Variants in ZNF236 observed in about 807,000 individuals in gnomAD.
ZNF236 encodes the protein regulated by glucose.
In ZNF236, 50 loss-of-function variants were observed where a neutral mutation model predicts 191.2. The ratio of observed to expected loss-of-function variants is 0.26; its 90% CI spans 0.21 to 0.33. ZNF236 has a LOEUF of 0.33. Among genes scored for constraint, ZNF236 ranks in the 10% least tolerant of loss-of-function variants. The pLI, the probability that ZNF236 is intolerant of heterozygous loss-of-function variation, is 1.00. For missense variants in ZNF236, 1,754 were observed against 2,374.5 expected (o/e 0.74, Z 5.43); for synonymous variants, 907 against 928.8 (o/e 0.98, Z 0.43).
intron 20 of ZNF236, among the ~76,000 whole-genome samples, chr18:76,920,528 G>A (rs913036469): frequency 7.0e-6 from 1 of 142,182 alleles, no homozygotes; most frequent in African/African-American, 2.7e-5. Flanking sequence ...TCCAGCCTGG[G>A]CAACAAGAAT....
chr18:76,913,991 A>C (rs1599388754), intron 18 of ZNF236, 93 bp downstream of exon 18: 4 of 1,373,214 alleles, frequency 2.9e-6, no homozygotes, highest in Non-Finnish European at 4.0e-6. Context: ...ACCCACTTAA[A>C]GTGTACAATT....
chr18:76,832,293 C>T (rs1975192713), intron 1 of ZNF236, among the ~76,000 whole-genome samples: 3 of 152,148 alleles, frequency 2.0e-5, no homozygotes, highest in Non-Finnish European at 4.4e-5. Context: ...GTTGGCCAGG[C>T]TGGCCTCCAA....
chr18:76,878,919 T>G (rs1976791770), intron 7 of ZNF236, among the ~76,000 whole-genome samples: 2 of 152,214 alleles, frequency 1.3e-5, no homozygotes, highest in South Asian at 4.1e-4. Context: ...AGGTTTACCT[T>G]TAGTGTTTGT....
In ZNF236 at chr18:76,905,435, T is replaced by C. The variant is rs1311645329; in HGVS notation, c.2297+20T>C. 1 of 1,606,220 alleles carries C rather than the reference T, an allele frequency of 6.2e-7. No individual in the cohort carries two copies. Among genetic ancestry groups the C allele is most frequent in the Non-Finnish European group, 8.5e-7 (1 of 1,174,762 alleles). On this transcript the variant is annotated intron_variant, in intron 13 of 30. Coordinates refer to ENST00000320610, the MANE Select transcript of ZNF236 (RefSeq NM_001306089.2). ...CCACAGGTGGGTGTAATTCTGGTGG[T>C]CACTTTTTATCATCTTTATAATTTC...
At chr18:76,938,376 T>C (rs1248309258) in intron 26 of ZNF236, among the ~76,000 whole-genome samples, 1 of 151,942 alleles carries the variant, frequency 6.6e-6, no homozygotes, top group Non-Finnish European at 1.5e-5. Flanking sequence ...AACGACAGAG[T>C]GAGACCTCTC....
At chr18:76,838,602 A>G (rs1006123668) in intron 1 of ZNF236, among the ~76,000 whole-genome samples, 28 of 152,232 alleles carry the variant, frequency 1.8e-4, no homozygotes, top group Admixed American at 2.6e-4. Context: ...CAGATCTGCT[A>G]TATGCCTGAG....
intron 21 of ZNF236, among the ~76,000 whole-genome samples, chr18:76,923,625 A>G (rs1967599065): frequency 6.6e-6 from 1 of 152,128 alleles, no homozygotes; most frequent in Non-Finnish European, 1.5e-5. Flanking sequence ...TCTCATCTTC[A>G]TCTTGTCTGT....
At chr18:76,876,328 T>G (rs1976714099) in intron 6 of ZNF236, among the ~76,000 whole-genome samples, 1 of 152,244 alleles carries the variant, frequency 6.6e-6, no homozygotes, top group South Asian at 2.1e-4. Flanking sequence ...AATACTTTTA[T>G]CATGGATCAG....
At chr18:76,953,424 C>T (rs1330631145) in intron 27 of ZNF236, among the ~76,000 whole-genome samples, 3 of 152,184 alleles carry the variant, frequency 2.0e-5, no homozygotes, top group Non-Finnish European at 4.4e-5. Context: ...TGTAGCCGAG[C>T]CCTTCCCACA....
intron 1 of ZNF236, chr18:76,834,581 G>A: frequency 4.2e-6 from 2 of 474,736 alleles, no homozygotes; most frequent in Middle Eastern, 5.3e-4. Context: ...ATGCCTGTGT[G>A]CACAGTTGGG....
At chr18:76,897,542 CAG>C (rs754656849) in intron 10 of ZNF236, among the ~76,000 whole-genome samples, 1 of 151,082 alleles carries the variant, frequency 6.6e-6, no homozygotes, top group African/African-American at 2.4e-5. Flanking sequence ...GTGCTGCACA[CAG>C]GGACCAGTGC....
intron 1 of ZNF236, among the ~76,000 whole-genome samples, chr18:76,847,421 A>G (rs755592793): frequency 7.2e-5 from 11 of 152,116 alleles, no homozygotes; most frequent in Non-Finnish European, 1.2e-4. Context: ...GGAATTGTAT[A>G]TCAATTGCTA....
At chr18:76,911,413 G>A (rs1389379017) in intron 16 of ZNF236, among the ~76,000 whole-genome samples, 1 of 152,168 alleles carries the variant, frequency 6.6e-6, no homozygotes, top group Non-Finnish European at 1.5e-5. Flanking sequence ...TTTCTCATAG[G>A]TAGAAACTAC....
chr18:76,851,157 T>TCATTTTACA (rs1975854248), intron 2 of ZNF236, among the ~76,000 whole-genome samples: 1 of 148,800 alleles, frequency 6.7e-6, no homozygotes, highest in East Asian at 2.0e-4. Flanking sequence ...CTCTATGTGT[T>TCATTTTACA]CATTTTACAG....
At chr18:76,954,643 TACTC>T (rs968584112) in intron 27 of ZNF236, among the ~76,000 whole-genome samples, 2 of 152,316 alleles carry the variant, frequency 1.3e-5, no homozygotes, top group South Asian at 2.1e-4. Context: ...CACCTATAGA[TACTC>T]ACCTGTAGAC....
chr18:76,926,460 TTG>T, intron 22 of ZNF236, among the ~76,000 whole-genome samples: 1 of 151,936 alleles, frequency 6.6e-6, no homozygotes, highest in East Asian at 1.9e-4. Context: ...TGATTAGACA[TTG>T]TGTGTATATA....
chr18:76,866,894 G>A (rs538561268), intron 3 of ZNF236, among the ~76,000 whole-genome samples: 1 of 152,290 alleles, frequency 6.6e-6, no homozygotes, highest in South Asian at 2.1e-4. Flanking sequence ...TGATGTAGCC[G>A]TCTGTAAGCT....
At chr18:76,918,060 G>A (rs1967421126) in intron 19 of ZNF236, among the ~76,000 whole-genome samples, 1 of 151,788 alleles carries the variant, frequency 6.6e-6, no homozygotes, top group Admixed American at 6.6e-5. Context: ...TACTTATTTG[G>A]TGAATTAACC....
In ZNF236 at chr18:76,847,237, A is replaced by G. The variant is rs551465742; in HGVS notation, c.56-2289A>G. Among the ~76,000 whole-genome samples, 4 of 152,328 alleles carry G rather than the reference A, an allele frequency of 2.6e-5. No homozygotes were observed. In the South Asian group the frequency reaches 8.3e-4, roughly 32 times the overall value. On this transcript the variant is annotated intron_variant, in intron 1 of 30. Transcript: ENST00000320610. ...GTGAAAATTGTTTTATCATCCTGAG[A>G]TAGCTTTTTAATTTTGCATTTCAGA...
Sources: allele counts gnomAD v4.1 joint callset (sites outside exome capture counted in the v4.1 genomes callset), GRCh38; gene constraint gnomAD v4.1.1; transcripts MANE v1.5; gene names NCBI Gene and HGNC (gene_info 2026-07-23, HGNC 2026-07-21).